The following CCDC180 variants were observed in gnomAD, a reference collection of about 807,000 sequenced individuals.
The protein encoded by CCDC180 is coiled-coil domain-containing protein 180.
CCDC180 carries 154 observed loss-of-function variants against 209.2 expected under a neutral mutation model. The observed-to-expected ratio is 0.74, with a 90% CI of 0.65 to 0.84. CCDC180 has a LOEUF of 0.84. CCDC180 is among the 40% of genes least tolerant of loss of function. CCDC180 has a pLI of 0.00. For synonymous variants in CCDC180, 778 were observed against 749.1 expected (o/e 1.04, Z -0.63); for missense variants, 1,874 against 1,997.3 (o/e 0.94, Z 1.18).
Position 97,328,101 on chromosome 9 carries a change from C to T in CCDC180, c.1743C>T (p.Ser581=), listed in dbSNP as rs773183858. The change falls in exon 16 of 37, where the codon AGC becomes AGT. Residue 581 remains serine (S), a synonymous_variant. Transcript: ENST00000529487. The part of the protein sequence containing the change: ...AIMLKELNSY[S]SALSQYFFVR... ...TGCTGAAAGAACTCAACTCCTACAGCTCTGCCCTCAGCCAATACTTCTTTG... is the reference window on the plus strand; with the variant it reads ...TGCTGAAAGAACTCAACTCCTACAGTTCTGCCCTCAGCCAATACTTCTTTG... 1.2e-6 allele frequency: 2 copies of T among 1,614,078 alleles called. No homozygotes were observed. Among genetic ancestry groups the T allele is most frequent in the Admixed American group, 1.7e-5 (1 of 60,024 alleles).
chr9:97,312,159 AC>A lies in CCDC180; in HGVS notation c.309del (p.Ile104SerfsTer13), dbSNP rs772455931. 5.2e-5 allele frequency: 84 copies of A among 1,613,994 alleles called. No homozygotes were observed. Among genetic ancestry groups the A allele is most frequent in the Non-Finnish European group, 6.9e-5 (81 of 1,179,992 alleles). On this transcript the variant is annotated frameshift_variant, in exon 4 of 37. Transcript: ENST00000529487. LOFTEE classifies it high-confidence loss of function. ...GGAAAAAGCCCGAGAGAGTGAGAACACCATCGCTGCCCGAGAAGTGCGGGGT... is the reference window on the plus strand; with the variant it reads ...GGAAAAAGCCCGAGAGAGTGAGAACACATCGCTGCCCGAGAAGTGCGGGGT... ...KREKARESEN[T>X]IAAREVRGLM... is the part of the protein sequence containing the mutation.
At position 97,370,882 on chromosome 9, in the gene CCDC180, A is replaced by T. The variant is rs111823867; in HGVS notation, c.4488+104A>T. 3.4e-4 allele frequency: 432 copies of T among 1,270,072 alleles called. 1 individual carries two copies. The highest frequency in any genetic ancestry group is 4.4e-4 in the Non-Finnish European group (402 of 920,046). 78.7% of individuals were successfully genotyped at this position (1,270,072 alleles called of 1,614,324 possible). On this transcript the variant is annotated intron_variant, in intron 33 of 36. Transcript: ENST00000529487. ...CAGCCCTTTCTTGGTATCTTGCCCAAAGCAGGCATGATCGTGGTTGGGTTT... is the reference window on the plus strand; with the variant it reads ...CAGCCCTTTCTTGGTATCTTGCCCATAGCAGGCATGATCGTGGTTGGGTTT...
intron 28 of CCDC180, chr9:97,363,682 C>T (rs777268740): frequency 6.0e-6 from 3 of 497,456 alleles, no homozygotes; most frequent in Admixed American, 2.3e-5. Context: ...TTTAAATGGG[C>T]GTGCTGTATT....
At chr9:97,336,105 A>C (rs1825896579) in intron 18 of CCDC180, among the ~76,000 whole-genome samples, 1 of 152,150 alleles carries the variant, frequency 6.6e-6, no homozygotes, top group East Asian at 1.9e-4. Flanking sequence ...TAGATTGCAA[A>C]AATTTTCTCC....
intron 21 of CCDC180, among the ~76,000 whole-genome samples, chr9:97,349,743 AG>A (rs2118816036): frequency 1.3e-5 from 2 of 152,276 alleles, no homozygotes; most frequent in East Asian, 3.9e-4. Flanking sequence ...GGCTCCAGAG[AG>A]GCCATTTGGG....
intron 5 of CCDC180, 100 bp from the exon 6 acceptor site, chr9:97,314,293 T>G: frequency 9.2e-6 from 13 of 1,410,208 alleles, no homozygotes; most frequent in Non-Finnish European, 1.3e-5. Context: ...TCATCATTTT[T>G]GAGATAGAAC....
intron 3 of CCDC180, among the ~76,000 whole-genome samples, chr9:97,310,622 G>T (rs996417393): frequency 1.3e-5 from 2 of 151,976 alleles, no homozygotes; most frequent in Non-Finnish European, 2.9e-5. Flanking sequence ...ACCCTTGCTG[G>T]GCCTGGGACT....
At position 97,349,268 on chromosome 9, in the gene CCDC180, C is replaced by T. The variant is rs1443156527; in HGVS notation, c.2832C>T (p.Phe944=). The T allele has an allele frequency of 6.5e-7, 1 of 1,536,630 alleles. No homozygotes were observed. The highest frequency in any genetic ancestry group is 8.7e-7 in the Non-Finnish European group (1 of 1,147,012). Residue 944 remains phenylalanine (F), a synonymous_variant, in exon 21 of 37, where the codon TTC becomes TTT. Coordinates refer to ENST00000529487, the MANE Select transcript of CCDC180 (RefSeq NM_020893.6). ...RLKIYDMEHI[F]LNATRSQKLV... is the part of the protein sequence containing the mutation. The stretch of plus-strand genomic sequence containing the variant: ...AGATCTATGACATGGAGCACATCTT[C>T]TTGAATGCCACCAGGAGCCAAAAGT...
rs1827288157 is a variant in CCDC180, at chr9:97,377,405, A to G, written c.*511A>G. On this transcript the variant is annotated 3_prime_UTR_variant, in exon 37 of 37. Transcript: ENST00000529487. ...TATTTTGGAAAAAAAAAAATCTTCC[A>G]GGCTCCTTTAGTCCTGTGTTGCCCA... 6.6e-6 allele frequency: 1 copy of G among 152,390 alleles called. No individual in the cohort carries two copies. The highest frequency in any genetic ancestry group is 2.4e-5 in the African/African-American group (1 of 41,310). 9.4% of individuals were successfully genotyped at this position (152,390 alleles called of 1,614,324 possible).
rs780633669 is a variant in CCDC180 at position 97,328,132 on chromosome 9, G to A, written c.1774G>A (p.Glu592Lys). Residue 592 changes from glutamate (E) to lysine (K), a missense_variant, in exon 16 of 37, where the codon GAA becomes AAA. Coordinates refer to ENST00000529487, the MANE Select transcript of CCDC180 (RefSeq NM_020893.6). ...CCTCAGCCAATACTTCTTTGTGCGT[G>A]AAATCTTTGAACAGGTATGGAGAGG... ...SALSQYFFVR[E>K]IFEQNLAGEV... The A allele has an allele frequency of 1.2e-6, 2 of 1,613,786 alleles. No individual in the cohort carries two copies. The highest frequency in any genetic ancestry group is 4.5e-5 in the East Asian group (2 of 44,874).
intron 28 of CCDC180, among the ~76,000 whole-genome samples, chr9:97,362,847 T>G (rs1393895132): frequency 6.6e-6 from 1 of 152,246 alleles, no homozygotes; most frequent in Non-Finnish European, 1.5e-5. Flanking sequence ...TCACTAGCTC[T>G]TTGTGTCAGC....
intron 20 of CCDC180, 61 bp downstream of exon 20, chr9:97,347,550 A>G (rs550697421): frequency 6.8e-7 from 1 of 1,470,732 alleles, no homozygotes; most frequent in East Asian, 2.5e-5. Context: ...CGTCTGCTCC[A>G]CCGCGGCTCC....
At chr9:97,350,631 T>C (rs1479040752) in intron 22 of CCDC180, 76 bp downstream of exon 22, 4 of 1,454,276 alleles carry the variant, frequency 2.8e-6, no homozygotes, top group South Asian at 2.6e-5. Context: ...TCCCCCTTAA[T>C]TTTTAGTTTT....
chr9:97,375,786 T>C, intron 36 of CCDC180, 197 bp downstream of exon 36: 1 of 650,652 alleles, frequency 1.5e-6, no homozygotes, highest in Non-Finnish European at 2.6e-6. Flanking sequence ...AATGTGGGTC[T>C]GAGGCGTGAT....
At chr9:97,372,025 C>T (rs371156611) in intron 34 of CCDC180, 23 of 193,298 alleles carry the variant, frequency 1.2e-4, no homozygotes, top group Non-Finnish European at 1.9e-4. Flanking sequence ...AAAAAAATCC[C>T]GAAAAATGTC....
At chr9:97,320,249 G>T in intron 11 of CCDC180, 44 bp downstream of exon 11, 1 of 1,545,304 alleles carries the variant, frequency 6.5e-7, no homozygotes, top group South Asian at 1.1e-5. Context: ...CTCCAGAACT[G>T]TTTAAGCAGT....
intron 16 of CCDC180, among the ~76,000 whole-genome samples, chr9:97,329,851 G>A (rs1825675484): frequency 6.6e-6 from 1 of 152,074 alleles, no homozygotes; most frequent in Non-Finnish European, 1.5e-5. Context: ...GGCGGATCAC[G>A]AGGTCAGGAG....
chr9:97,328,017 C>T lies in CCDC180; in HGVS notation c.1662-3C>T. The stretch of plus-strand genomic sequence containing the variant: ...TCTCCTGTCTTACCTACCTACCTCC[C>T]AGGTATGAATGTTTTCACACCCTCC... On this transcript the variant is annotated splice_region_variant and splice_polypyrimidine_tract_variant and intron_variant, in intron 15 of 36. Transcript: ENST00000529487. The T allele has an allele frequency of 6.2e-7, 1 of 1,612,830 alleles. No individual in the cohort carries two copies. Among genetic ancestry groups the T allele is most frequent in the South Asian group, 1.1e-5 (1 of 90,836 alleles).
rs1420631923 is a variant in CCDC180, at chr9:97,369,393, C to T, written c.4190-529C>T. On this transcript the variant is annotated intron_variant, in intron 31 of 36. Coordinates refer to ENST00000529487, the MANE Select transcript of CCDC180 (RefSeq NM_020893.6). Reference sequence around the variant, plus strand: ...AAGTCCGCAGAGTATATAGGAGAAGCCCTTTGAATTTATTTAAGCCTTTAT... The same window carrying T: ...AAGTCCGCAGAGTATATAGGAGAAGTCCTTTGAATTTATTTAAGCCTTTAT... 2.6e-5 allele frequency: 4 copies of T among 152,882 alleles called. No homozygotes were observed. The South Asian group carries it at 8.3e-4, about 32-fold the overall frequency. 9.5% of individuals were successfully genotyped at this position (152,882 alleles called of 1,614,324 possible).
Sources: gnomAD v4.1 joint callset for allele counts (sites outside exome capture counted in the v4.1 genomes callset) on GRCh38, gnomAD v4.1.1 for gene constraint, MANE v1.5 for transcripts, NCBI Gene and HGNC (gene_info 2026-07-23, HGNC 2026-07-21) for gene names.